Variants in NOTCH2 observed in about 807,000 individuals in gnomAD.
NOTCH2 encodes the protein notch receptor 2.
A neutral mutation model predicts 235.8 loss-of-function variants in NOTCH2; 29 were observed. That is an observed-to-expected ratio of 0.12 (90% CI 0.09 to 0.17). The LOEUF (loss-of-function observed/expected upper bound fraction) is 0.17, where lower values mean the gene tolerates loss of function less well. NOTCH2 is among the 10% of genes least tolerant of loss of function. The pLI, the probability that NOTCH2 is intolerant of heterozygous loss-of-function variation, is 1.00. For synonymous variants in NOTCH2, 1,086 were observed against 1,141.5 expected (o/e 0.95, Z 0.98); for missense variants, 2,285 against 3,150.2 (o/e 0.73, Z 6.57).
intron 23 of NOTCH2, among the ~76,000 whole-genome samples, chr1:119,926,893 A>G (rs1017946221): frequency 1.3e-5 from 2 of 152,222 alleles, no homozygotes; most frequent in African/African-American, 4.8e-5. Flanking sequence ...AATCCCATCA[A>G]AAAAAGAGAA....
intron 20 of NOTCH2, 118 bp from the exon 21 acceptor site, chr1:119,937,584 GTTC>G (rs782407867): frequency 1.7e-5 from 17 of 1,008,134 alleles, no homozygotes; most frequent in African/African-American, 6.4e-5. Flanking sequence ...TTCTTAGCCA[GTTC>G]TTCACAACCC....
At position 119,915,720 on chromosome 1, in the gene NOTCH2, G is replaced by A. The variant is rs1557801738; in HGVS notation, c.7002C>T (p.Gly2334=). 6.2e-7 allele frequency: 1 copy of A among 1,608,396 alleles called. No individual in the cohort carries two copies. Among genetic ancestry groups the A allele is most frequent in the Non-Finnish European group, 8.5e-7 (1 of 1,176,290 alleles). ...PQSTCPPAVA[G]PLPTMYQIPE... ...GAATCTGGTACATGGTGGGCAGGGG[G>A]CCCGCAACAGCTGGAGGGCAGGTGG... Residue 2334 remains glycine (G), a synonymous_variant, in exon 34 of 34, where the codon GGC becomes GGT. Transcript: ENST00000256646.
chr1:119,930,811 G>A (rs1553195008), intron 22 of NOTCH2, among the ~76,000 whole-genome samples: 3 of 141,102 alleles, frequency 2.1e-5, no homozygotes, highest in East Asian at 4.4e-4. Flanking sequence ...TAAAAAAAAA[G>A]GTACAGGCTG....
At chr1:119,918,254 C>T (rs1649156097) in intron 32 of NOTCH2, 152 bp downstream of exon 32, 3 of 900,462 alleles carry the variant, frequency 3.3e-6, no homozygotes, top group Non-Finnish European at 1.8e-6. Context: ...TCTCTGAGCT[C>T]AGCATGTTAA....
At chr1:120,068,996 C>A (rs1226455737) in intron 1 of NOTCH2, 11 of 1,234,022 alleles carry the variant, frequency 8.9e-6, no homozygotes, top group African/African-American at 1.6e-5. Flanking sequence ...CCCCAAGAAA[C>A]GCGGAACCTG....
chr1:119,942,917 G>A (rs1471789199), intron 17 of NOTCH2, among the ~76,000 whole-genome samples: 16 of 142,602 alleles, frequency 1.1e-4, no homozygotes, highest in African/African-American at 2.1e-4. Flanking sequence ...CTGTTGCCCC[G>A]GCTGGAGTGC....
intron 2 of NOTCH2, among the ~76,000 whole-genome samples, chr1:120,027,782 C>T (rs12037911): frequency 8.0e-3 from 1,150 of 144,108 alleles, no homozygotes; most frequent in African/African-American, 0.025. Context: ...CAGCTTCATC[C>T]ATGTCCCTGC....
chr1:120,015,414 GA>G (rs1365153933), intron 2 of NOTCH2, among the ~76,000 whole-genome samples: 3 of 151,070 alleles, frequency 2.0e-5, no homozygotes, highest in Non-Finnish European at 1.5e-5. Flanking sequence ...ACAAAACCCA[GA>G]AACCAAATTA....
chr1:120,006,939 C>T (rs182299522), intron 2 of NOTCH2, among the ~76,000 whole-genome samples: 41 of 152,190 alleles, frequency 2.7e-4, no homozygotes, highest in Non-Finnish European at 4.9e-4. Context: ...AGGCCAGATA[C>T]GAGGGAACTA....
In NOTCH2 at chr1:119,959,463, T is replaced by C. The variant is rs1411949035; in HGVS notation, c.1955A>G (p.Asn652Ser). 6.2e-7 allele frequency: 1 copy of C among 1,610,460 alleles called. No homozygotes were observed. Among genetic ancestry groups the C allele is most frequent in the Admixed American group, 1.7e-5 (1 of 60,012 alleles). Residue 652 changes from asparagine to serine, a missense_variant, in exon 12 of 34, where the codon AAC becomes AGC. Asn to Ser is a conservative substitution (Grantham distance 46). Transcript: ENST00000256646. ...CATACAGATTCCATGGATACAAGGG[T>C]TACTTGCACAGTCATCAAAATTAAT... ...CEINFDDCAS[N>S]PCIHGICMDG...
intron 29 of NOTCH2, 62 bp from the exon 30 acceptor site, chr1:119,920,459 G>A (rs1649244896): frequency 6.4e-7 from 1 of 1,567,614 alleles, no homozygotes. Flanking sequence ...CTAATCAGAA[G>A]GTGTCCAGAG....
intron 12 of NOTCH2, 105 bp from the exon 13 acceptor site, chr1:119,955,337 AG>A: frequency 8.9e-7 from 1 of 1,121,786 alleles, no homozygotes; most frequent in Admixed American, 1.9e-5. Flanking sequence ...TCAGGCCATA[AG>A]GTGCCTTGAG....
chr1:120,038,915 G>C (rs587685546), intron 1 of NOTCH2, among the ~76,000 whole-genome samples: 85 of 152,094 alleles, frequency 5.6e-4, no homozygotes, highest in African/African-American at 2.0e-3. Context: ...CTTAAGCCAT[G>C]TGTATTATGG....
chr1:120,067,215 G>C (rs1655541804), intron 1 of NOTCH2, among the ~76,000 whole-genome samples: 1 of 147,320 alleles, frequency 6.8e-6, no homozygotes, highest in Non-Finnish European at 1.5e-5. Flanking sequence ...TAGACTCTAA[G>C]AAGATTTAAG....
At chr1:119,942,056 C>T (rs1553196545) in intron 17 of NOTCH2, among the ~76,000 whole-genome samples, 1 of 152,182 alleles carries the variant, frequency 6.6e-6, no homozygotes, top group Non-Finnish European at 1.5e-5. Flanking sequence ...TGCCCCAATA[C>T]ACAGAATATC....
intron 5 of NOTCH2, among the ~76,000 whole-genome samples, chr1:119,977,928 G>T (rs1176751868): frequency 6.6e-6 from 1 of 152,150 alleles, no homozygotes; most frequent in Admixed American, 6.5e-5. Flanking sequence ...TACACAATGG[G>T]ATTATAATGG....
At position 119,915,288 on chromosome 1, in the gene NOTCH2, C is replaced by T; in HGVS notation, c.*18G>A. ...TTTACAAAAGTCAGTTATGTCTCTA[C>T]ACTGGAGGTGGACTCTCTCACGCAT... On this transcript the variant is annotated 3_prime_UTR_variant, in exon 34 of 34. Transcript: ENST00000256646. 5.6e-6 allele frequency: 9 copies of T among 1,611,826 alleles called. No homozygotes were observed. Among genetic ancestry groups the T allele is most frequent in the Non-Finnish European group, 7.6e-6 (9 of 1,179,674 alleles).
chr1:120,012,015 C>CAA (rs58649147), intron 2 of NOTCH2, among the ~76,000 whole-genome samples: 30 of 71,824 alleles, frequency 4.2e-4, no homozygotes, highest in African/African-American at 1.1e-3. Context: ...GACTCCCTCT[C>CAA]AAAAAAAAAA....
At chr1:119,983,134 A>G (rs1317649115) in intron 5 of NOTCH2, among the ~76,000 whole-genome samples, 1 of 152,146 alleles carries the variant, frequency 6.6e-6, no homozygotes, top group Non-Finnish European at 1.5e-5. Context: ...ACCAAAATGT[A>G]TTATTTCAGC....
Sources: allele counts gnomAD v4.1 joint callset (sites outside exome capture counted in the v4.1 genomes callset), GRCh38; gene constraint gnomAD v4.1.1; transcripts MANE v1.5; gene names NCBI Gene and HGNC (gene_info 2026-07-23, HGNC 2026-07-21).